EML4: variants seen among roughly 807,000 people sequenced by gnomAD.
EML4 encodes the protein echinoderm microtubule-associated protein-like 4.
Under a neutral mutation model 129.0 loss-of-function variants are expected in EML4, and 72 were observed. The ratio of observed to expected loss-of-function variants is 0.56; its 90% CI spans 0.46 to 0.68. The LOEUF is 0.68. EML4 is among the 30% of genes least tolerant of loss of function. EML4 has a pLI of 0.00. For synonymous variants in EML4, 532 were observed against 405.0 expected (o/e 1.31, Z -3.77); for missense variants, 1,363 against 1,190.6 (o/e 1.14, Z -2.13).
intron 19 of EML4, chr2:42,319,773 A>C (rs990192141): frequency 6.6e-6 from 1 of 152,234 alleles, no homozygotes; most frequent in South Asian, 2.1e-4. Context: ...TTTTTAAAAC[A>C]TAACAACTAG....
chr2:42,226,198 A>G (rs965824711), intron 1 of EML4, among the ~76,000 whole-genome samples: 2 of 152,126 alleles, frequency 1.3e-5, no homozygotes, highest in African/African-American at 2.4e-5. Context: ...TCTTCCAGAT[A>G]CACTTAAATT....
chr2:42,263,116 A>G, intron 4 of EML4, 62 bp from the exon 5 acceptor site: 2 of 1,367,142 alleles, frequency 1.5e-6, no homozygotes. Flanking sequence ...TTCTGTTTAA[A>G]TTGTCAGTTA....
intron 1 of EML4, among the ~76,000 whole-genome samples, chr2:42,176,322 G>A (rs1301444998): frequency 4.6e-5 from 7 of 152,134 alleles, no homozygotes; most frequent in African/African-American, 7.2e-5. Flanking sequence ...ATTGCATGGC[G>A]TCGAGAATCT....
At position 42,282,965 on chromosome 2, in the gene EML4, G is replaced by C; in HGVS notation, c.934G>C (p.Val312Leu). Reference sequence around the variant, plus strand: ...ACACTACCTGGGCCATACAGACTGTGTGAAATGGTTGGTATCATTTAACAT... The same window carrying C: ...ACACTACCTGGGCCATACAGACTGTCTGAAATGGTTGGTATCATTTAACAT... Reference protein sequence around the residue: ...QRHYLGHTDCVKCLAIHPDKI... With the variant: ...QRHYLGHTDCLKCLAIHPDKI... The change falls in exon 8 of 23, where the codon GTG (valine) becomes CTG (leucine). Residue 312 changes from valine (V) to leucine (L), a missense_variant. By Grantham distance (32) the Val-to-Leu change is conservative. Coordinates refer to ENST00000318522, the MANE Select transcript of EML4 (RefSeq NM_019063.5). 6.2e-7 allele frequency: 1 copy of C among 1,608,756 alleles called. No homozygotes were observed. Among genetic ancestry groups the C allele is most frequent in the Non-Finnish European group, 8.5e-7 (1 of 1,178,534 alleles).
At chr2:42,225,003 C>A (rs1005502350) in intron 1 of EML4, among the ~76,000 whole-genome samples, 1 of 152,180 alleles carries the variant, frequency 6.6e-6, no homozygotes, top group South Asian at 2.1e-4. Context: ...TGGAAACATA[C>A]AACATTTGTC....
intron 1 of EML4, among the ~76,000 whole-genome samples, chr2:42,196,459 G>T (rs1397580869): frequency 1.3e-5 from 2 of 152,136 alleles, no homozygotes; most frequent in Admixed American, 1.3e-4. Context: ...TCTGATAACA[G>T]CAGAATTTGA....
intron 1 of EML4, among the ~76,000 whole-genome samples, chr2:42,175,228 T>G (rs1670532849): frequency 6.6e-6 from 1 of 151,606 alleles, no homozygotes; most frequent in African/African-American, 2.4e-5. Context: ...TTCTCCTGCC[T>G]CAAGCCTCCC....
chr2:42,223,182 G>T (rs1248945860), intron 1 of EML4, among the ~76,000 whole-genome samples: 5 of 152,100 alleles, frequency 3.3e-5, no homozygotes, highest in Middle Eastern at 6.8e-3. Context: ...CATTTTGATA[G>T]GTCTGATAGG....
chr2:42,322,921 T>G lies in EML4; in HGVS notation c.2155-2546T>G, dbSNP rs1669594586. On this transcript the variant is annotated intron_variant, in intron 19 of 22. Coordinates refer to ENST00000318522, the MANE Select transcript of EML4 (RefSeq NM_019063.5). ...CATTTCTAAATATGAGTTAATAACT[T>G]TCCTAAGATCTTTTCTAAATTTGGG... Among the ~76,000 whole-genome samples the G allele has an allele frequency of 2.0e-5, 3 of 152,210 alleles. No individual in the cohort carries two copies. The South Asian group carries it at 6.2e-4, about 31-fold the overall frequency.
Position 42,332,056 on chromosome 2 carries a change from C to A in EML4, c.*1849C>A, listed in dbSNP as rs1670130987. ...GCCAGTAAGTATCAGGCATATATAT[C>A]TGTCTGTTAGCAATGATTATTACAT... On this transcript the variant is annotated 3_prime_UTR_variant, in exon 23 of 23. Coordinates refer to ENST00000318522, the MANE Select transcript of EML4 (RefSeq NM_019063.5). The A allele has an allele frequency of 4.5e-6, 1 of 222,388 alleles. No homozygotes were observed. The highest frequency in any genetic ancestry group is 9.0e-6 in the Non-Finnish European group (1 of 111,016). The allele number at this position is 222,388 out of a possible 1,614,324, so 13.8% of individuals were successfully genotyped here. A position where few individuals can be genotyped will look rare whatever the true frequency, so the allele number is the denominator to read the frequency against.
At chr2:42,170,719 T>C (rs1250263262) in intron 1 of EML4, among the ~76,000 whole-genome samples, 1 of 152,380 alleles carries the variant, frequency 6.6e-6, no homozygotes, top group Non-Finnish European at 1.5e-5. Context: ...TACCTACTGC[T>C]GGAACTGTAT....
chr2:42,193,619 A>G (rs914356990), intron 1 of EML4, among the ~76,000 whole-genome samples: 4 of 151,330 alleles, frequency 2.6e-5, no homozygotes, highest in African/African-American at 9.7e-5. Flanking sequence ...GACATTGTTG[A>G]TATATTTTGC....
At chr2:42,239,494 G>A (rs899018457) in intron 1 of EML4, among the ~76,000 whole-genome samples, 2 of 152,148 alleles carry the variant, frequency 1.3e-5, no homozygotes, top group African/African-American at 4.8e-5. Flanking sequence ...AGATTTCCTT[G>A]TATTTCTAAA....
chr2:42,322,402 C>G (rs988689093), intron 19 of EML4, among the ~76,000 whole-genome samples: 1 of 152,194 alleles, frequency 6.6e-6, no homozygotes, highest in African/African-American at 2.4e-5. Flanking sequence ...CAGCATAGCT[C>G]TAAATGGACA....
chr2:42,284,759 A>G (rs1453846880), intron 9 of EML4, 56 bp downstream of exon 9: 13 of 1,300,902 alleles, frequency 1.0e-5, no homozygotes, highest in Non-Finnish European at 1.2e-5. Context: ...TTAGAGTGGA[A>G]TCTATTGTAA....
chr2:42,174,922 G>T (rs1028596265), intron 1 of EML4, among the ~76,000 whole-genome samples: 4 of 148,940 alleles, frequency 2.7e-5, no homozygotes, highest in Non-Finnish European at 4.5e-5. Flanking sequence ...GGTTTAGGCA[G>T]TTATCTGCCT....
At chr2:42,291,743 G>A (rs989830440) in intron 11 of EML4, among the ~76,000 whole-genome samples, 1 of 152,014 alleles carries the variant, frequency 6.6e-6, no homozygotes, top group Non-Finnish European at 1.5e-5. Context: ...AAATATTTGT[G>A]ATACATACTT....
intron 19 of EML4, among the ~76,000 whole-genome samples, chr2:42,320,831 C>G (rs1488537457): frequency 2.0e-5 from 3 of 151,872 alleles, no homozygotes; most frequent in Admixed American, 2.0e-4. Flanking sequence ...AGATCTTAGC[C>G]CAGGAGACAG....
chr2:42,288,498 A>G (rs987610429), intron 11 of EML4, 176 bp downstream of exon 11: 1 of 371,614 alleles, frequency 2.7e-6, no homozygotes, highest in African/African-American at 2.1e-5. Flanking sequence ...CACTATAGTT[A>G]TACAAGATAA....
Sources: gnomAD v4.1 joint callset for allele counts (sites outside exome capture counted in the v4.1 genomes callset) on GRCh38, gnomAD v4.1.1 for gene constraint, MANE v1.5 for transcripts, NCBI Gene and HGNC (gene_info 2026-07-23, HGNC 2026-07-21) for gene names.